The following KLRG2 variants were observed in gnomAD, a reference collection of about 807,000 sequenced individuals.
The protein encoded by KLRG2 is killer cell lectin like receptor G2.
KLRG2 carries 39 observed loss-of-function variants against 35.4 expected under a neutral mutation model. The ratio of observed to expected loss-of-function variants is 1.10; its 90% CI spans 0.85 to 1.44. The LOEUF (loss-of-function observed/expected upper bound fraction) is 1.44. Among genes scored for constraint, KLRG2 ranks in the 40% most tolerant of loss-of-function variants. The pLI is 0.00. For synonymous variants in KLRG2, 283 were observed against 265.8 expected (o/e 1.06, Z -0.63); for missense variants, 632 against 570.9 (o/e 1.11, Z -1.09).
the KLRG2 span, among the ~76,000 whole-genome samples, chr7:139,438,751 C>A: frequency 4.0e-3 from 612 of 151,640 alleles, 5 homozygotes; most frequent in African/African-American, 0.014. Flanking sequence ...TCTCAGCTCA[C>A]TGCAACCTCC....
intron 2 of KLRG2, 83 bp from the exon 3 acceptor site, chr7:139,479,855 G>T (rs1398976883): frequency 1.4e-6 from 2 of 1,467,498 alleles, no homozygotes; most frequent in Non-Finnish European, 1.8e-6. Flanking sequence ...AAATGAAGGG[G>T]CATGGAACTG....
the KLRG2 span, among the ~76,000 whole-genome samples, chr7:139,442,664 T>C: frequency 1.3e-5 from 2 of 152,192 alleles, no homozygotes; most frequent in African/African-American, 4.8e-5. Flanking sequence ...AAGTTCAACA[T>C]GGCAAAACTT....
the KLRG2 span, among the ~76,000 whole-genome samples, chr7:139,439,114 G>GT: frequency 6.6e-6 from 1 of 152,180 alleles, no homozygotes; most frequent in African/African-American, 2.4e-5. Context: ...GTTCATAACA[G>GT]CTTAATTCAT....
Position 139,454,119 on chromosome 7 carries a change from CG to C in KLRG2, c.1100del (p.Pro367ArgfsTer66). 6.5e-7 allele frequency: 1 copy of C among 1,531,614 alleles called. No individual in the cohort carries two copies. The highest frequency in any genetic ancestry group is 8.9e-7 in the Non-Finnish European group (1 of 1,129,688). The allele number at this position is 1,531,614 out of a possible 1,614,324, so 94.9% of individuals were successfully genotyped here. ...AGCCCGTGGTCACTCACAGCTGGGG[CG>C]GGAGTGGGGCCTCGTCGATCCAGTG... The part of the protein sequence containing the change: ...GWHWIDEAPL[P>X]PQLLPEDGED... On this transcript the variant is annotated frameshift_variant, in exon 4 of 5. Transcript: ENST00000340940. LOFTEE classifies it low-confidence loss of function (END_TRUNC).
At chr7:139,446,336 G>GTTTTTTTTTTTTTTTTTTT in the KLRG2 span, among the ~76,000 whole-genome samples, 1 of 92,050 alleles carries the variant, frequency 1.1e-5, no homozygotes, top group African/African-American at 4.3e-5. Flanking sequence ...ATTTTCCAGG[G>GTTTTTTTTTTTTTTTTTTT]TTTTTTTTTT....
At position 139,483,334 on chromosome 7, in the gene KLRG2, C is replaced by T; in HGVS notation, c.309G>A (p.Leu103=). The T allele has an allele frequency of 6.5e-7, 1 of 1,544,952 alleles. No homozygotes were observed. The highest frequency in any genetic ancestry group is 8.7e-7 in the Non-Finnish European group (1 of 1,155,558). The change falls in exon 1 of 5, where the codon CTG becomes CTA. Residue 103 remains leucine, a synonymous_variant. Coordinates refer to ENST00000340940, the MANE Select transcript of KLRG2 (RefSeq NM_198508.4). ...PPSPGPALVK[L]PRNGEAPGAE... is the part of the protein sequence containing the mutation. Reference sequence around the variant, plus strand: ...CCCCGGGCGCCTCGCCATTCCGGGGCAGCTTGACCAAGGCAGGGCCCGGTG... The same window carrying T: ...CCCCGGGCGCCTCGCCATTCCGGGGTAGCTTGACCAAGGCAGGGCCCGGTG...
At chr7:139,444,489 C>T in the KLRG2 span, among the ~76,000 whole-genome samples, 10 of 152,060 alleles carry the variant, frequency 6.6e-5, no homozygotes, top group African/African-American at 9.7e-5. Flanking sequence ...GCTGGTAATT[C>T]GGTTTAGATG....
rs1251042922 is a variant in KLRG2 at position 139,479,616 on chromosome 7, C to T, written c.1005+11G>A. ...ATCTGTACCCCCTTAGATTGGACAC[C>T]CCCTTCTCACCTGGGTGTGGCTTAG... On this transcript the variant is annotated intron_variant, in intron 3 of 4. Transcript: ENST00000340940. 5 of 1,610,100 alleles carry T rather than the reference C, an allele frequency of 3.1e-6. No individual in the cohort carries two copies. The South Asian group carries it at 4.4e-5, about 14-fold the overall frequency.
the KLRG2 span, among the ~76,000 whole-genome samples, chr7:139,438,644 C>A: frequency 2.6e-5 from 4 of 151,618 alleles, no homozygotes; most frequent in African/African-American, 9.7e-5. Flanking sequence ...GGAAATAGAA[C>A]ATGATACACC....
At chr7:139,445,798 T>TATATATATACAC in the KLRG2 span, among the ~76,000 whole-genome samples, 91 of 126,044 alleles carry the variant, frequency 7.2e-4, 13 homozygotes, top group Middle Eastern at 7.5e-3. Flanking sequence ...TATATGTGTG[T>TATATATATACAC]ATATATATAT....
At chr7:139,441,359 A>G in the KLRG2 span, among the ~76,000 whole-genome samples, 2 of 152,312 alleles carry the variant, frequency 1.3e-5, no homozygotes, top group South Asian at 4.1e-4. Context: ...ATTCTCAGCA[A>G]CTGTCACAAG....
At chr7:139,457,466 C>A (rs1796496559) in intron 3 of KLRG2, among the ~76,000 whole-genome samples, 1 of 152,208 alleles carries the variant, frequency 6.6e-6, no homozygotes. Context: ...CCTTTCAGAG[C>A]CGCTGTGTGG....
intron 3 of KLRG2, among the ~76,000 whole-genome samples, chr7:139,475,054 G>T (rs983147836): frequency 6.6e-6 from 1 of 152,224 alleles, no homozygotes; most frequent in Non-Finnish European, 1.5e-5. Context: ...GACAGGCCTC[G>T]CTGGGTTTCC....
intron 3 of KLRG2, among the ~76,000 whole-genome samples, chr7:139,477,927 G>T (rs13243181): frequency 0.56 from 84,454 of 151,530 alleles, 24,437 homozygotes; most frequent in African/African-American, 0.72. Context: ...CCCGGCTAAT[G>T]TTTTGTATTT....
chr7:139,482,399 C>A (rs1796976197), intron 1 of KLRG2, among the ~76,000 whole-genome samples: 1 of 148,830 alleles, frequency 6.7e-6, no homozygotes, highest in Non-Finnish European at 1.5e-5. Context: ...TGGCTTTACT[C>A]TTTTTTTTTT....
At chr7:139,458,319 A>C (rs12113431) in intron 3 of KLRG2, among the ~76,000 whole-genome samples, 22,992 of 152,010 alleles carry the variant, frequency 0.15, 1,899 homozygotes, top group Middle Eastern at 0.2. Context: ...TCGAGGCTGC[A>C]CTGAGCCATG....
chr7:139,454,741 A>G (rs1172803859), intron 3 of KLRG2, among the ~76,000 whole-genome samples: 2 of 151,614 alleles, frequency 1.3e-5, no homozygotes, highest in Non-Finnish European at 2.9e-5. Context: ...GCTTGAGCCC[A>G]GGAGACAGAG....
downstream of KLRG2, among the ~76,000 whole-genome samples, chr7:139,451,989 G>C (rs1056653617): frequency 8.5e-6 from 1 of 117,488 alleles, no homozygotes; most frequent in African/African-American, 3.6e-5. Context: ...TTTTTTTTGA[G>C]ACAGAGTCTT....
downstream of KLRG2, among the ~76,000 whole-genome samples, chr7:139,450,565 C>T (rs1796363729): frequency 6.6e-6 from 1 of 152,138 alleles, no homozygotes; most frequent in South Asian, 2.1e-4. Context: ...CCCACAGGGA[C>T]TTACAAAGCC....
Sources: gnomAD v4.1 joint callset for allele counts (sites outside exome capture counted in the v4.1 genomes callset) on GRCh38, gnomAD v4.1.1 for gene constraint, MANE v1.5 for transcripts, NCBI Gene and HGNC (gene_info 2026-07-23, HGNC 2026-07-21) for gene names.